Variants in SPOCK1 observed in about 807,000 individuals in gnomAD.
The protein encoded by SPOCK1 is SPARC (osteonectin), cwcv and kazal like domains proteoglycan 1.
SPOCK1 carries 23 observed loss-of-function variants against 55.3 expected under a neutral mutation model. The ratio of observed to expected loss-of-function variants is 0.42; its 90% confidence interval spans 0.30 to 0.59. SPOCK1 has a LOEUF of 0.59. Ranked by LOEUF, SPOCK1 falls within the 20% of genes least tolerant of loss-of-function variation. SPOCK1 has a pLI of 0.22. For synonymous variants in SPOCK1, 226 were observed against 221.0 expected, an observed-to-expected ratio of 1.02 and a Z score of -0.20; for missense variants, 499 against 552.5, an observed-to-expected ratio of 0.90 and a Z score of 0.97.
rs1191882774 is a variant in SPOCK1, at chr5:137,131,990, ATATATATAT to A, written c.347+8581_347+8589del. 8.3e-3 allele frequency among the ~76,000 whole-genome samples: 210 copies of A among 25,418 alleles called. 11 individuals carry two copies. The highest frequency in any genetic ancestry group is 0.013 in the South Asian group (8 of 624). 16.7% of individuals were successfully genotyped at this position (25,418 alleles called of 152,430 possible). ...CCGTCTCAAAAAAAAAAAAAAAAAA[ATATATATAT>A]ATATATATATATATATATATAAAAA... On this transcript the variant is annotated intron_variant, in intron 4 of 10. Coordinates refer to ENST00000394945, the MANE Select transcript of SPOCK1 (RefSeq NM_004598.4).
chr5:137,149,884 G>T (rs1312368543), intron 3 of SPOCK1, among the ~76,000 whole-genome samples: 3 of 152,092 alleles, frequency 2.0e-5, no homozygotes. Context: ...TATCTTGATG[G>T]GTTACTCAAC....
chr5:137,004,196 A>G (rs1751200899), intron 6 of SPOCK1, among the ~76,000 whole-genome samples: 1 of 152,220 alleles, frequency 6.6e-6, no homozygotes, highest in Admixed American at 6.5e-5. Flanking sequence ...TGAGGCCAGA[A>G]CAGAATAATC....
chr5:137,377,062 G>T (rs1468886398), intron 2 of SPOCK1, among the ~76,000 whole-genome samples: 1 of 152,136 alleles, frequency 6.6e-6, no homozygotes, highest in East Asian at 1.9e-4. Flanking sequence ...ATTATTTGTG[G>T]GTTTCCAAAT....
chr5:137,336,708 A>AT (rs1750288418), intron 2 of SPOCK1, among the ~76,000 whole-genome samples: 1 of 152,210 alleles, frequency 6.6e-6, no homozygotes. Context: ...TCTAGCCTGA[A>AT]TGAGTTTTTG....
At chr5:137,229,585 G>A (rs1322399330) in intron 3 of SPOCK1, among the ~76,000 whole-genome samples, 1 of 152,182 alleles carries the variant, frequency 6.6e-6, no homozygotes, top group African/African-American at 2.4e-5. Flanking sequence ...AACAACAGAT[G>A]TCCATAACAG....
rs149255855 is a variant in SPOCK1, at chr5:137,427,705, C to T, written c.186+70668G>A. Among the ~76,000 whole-genome samples the T allele has an allele frequency of 3.6e-3, 545 of 152,116 alleles. 4 individuals carry two copies. Among genetic ancestry groups the T allele is most frequent in the African/African-American group, 0.012 (511 of 41,482 alleles). ...CGGGTGGATCACAAGGTCAGGAGAT[C>T]GAGAACATCCTGGCTAACGTGGTGA... On this transcript the variant is annotated intron_variant, in intron 2 of 10. Transcript: ENST00000394945.
At chr5:137,416,096 T>C (rs1047368041) in intron 2 of SPOCK1, among the ~76,000 whole-genome samples, 11 of 151,126 alleles carry the variant, frequency 7.3e-5, no homozygotes, top group Middle Eastern at 3.4e-3. Flanking sequence ...CAGAGGACAA[T>C]AGAAAAGGAA....
intron 3 of SPOCK1, among the ~76,000 whole-genome samples, chr5:137,246,058 A>C (rs1427623332): frequency 6.6e-6 from 1 of 152,232 alleles, no homozygotes. Context: ...TCTATGTCCT[A>C]CTTGAACAGT....
chr5:137,428,273 C>A (rs1460195738), intron 2 of SPOCK1, among the ~76,000 whole-genome samples: 1 of 152,136 alleles, frequency 6.6e-6, no homozygotes, highest in African/African-American at 2.4e-5. Context: ...CAACAAAGAA[C>A]CTTCATTCAG....
At chr5:137,441,644 C>T (rs1346040675) in intron 2 of SPOCK1, among the ~76,000 whole-genome samples, 1 of 152,140 alleles carries the variant, frequency 6.6e-6, no homozygotes, top group East Asian at 1.9e-4. Flanking sequence ...GTCCCAGTCA[C>T]ACAAGGCTGG....
In SPOCK1 at chr5:137,004,584, T is replaced by C. The variant is rs561153989; in HGVS notation, c.590-11984A>G. Among the ~76,000 whole-genome samples, 205 of 152,284 alleles carry C rather than the reference T, an allele frequency of 1.3e-3. 1 individual carries two copies. The highest frequency in any genetic ancestry group is 2.5e-3 in the Non-Finnish European group (171 of 68,030). ...ATCTCTATTTCTAGTAAAACTGCTATATTTGATCTACATTTCCTATTTAGA... is the reference window on the plus strand; with the variant it reads ...ATCTCTATTTCTAGTAAAACTGCTACATTTGATCTACATTTCCTATTTAGA... On this transcript the variant is annotated intron_variant, in intron 6 of 10. Coordinates refer to ENST00000394945, the MANE Select transcript of SPOCK1 (RefSeq NM_004598.4).
chr5:137,451,577 C>T (rs1277523136), intron 2 of SPOCK1, among the ~76,000 whole-genome samples: 1 of 152,232 alleles, frequency 6.6e-6, no homozygotes. Flanking sequence ...TTCCCTGCAA[C>T]ACCACGTAAA....
At chr5:137,326,279 C>CAA (rs34897652) in intron 2 of SPOCK1, among the ~76,000 whole-genome samples, 38 of 140,668 alleles carry the variant, frequency 2.7e-4, no homozygotes, top group Non-Finnish European at 2.5e-4. Flanking sequence ...CTTCTGCATC[C>CAA]AAAAAAAAAA....
intron 2 of SPOCK1, among the ~76,000 whole-genome samples, chr5:137,293,627 A>G (rs1311787924): frequency 6.6e-6 from 1 of 152,200 alleles, no homozygotes; most frequent in African/African-American, 2.4e-5. Flanking sequence ...GAATACTACC[A>G]TAAAGAAAGG....
intron 6 of SPOCK1, among the ~76,000 whole-genome samples, chr5:137,029,067 A>G (rs1274290193): frequency 6.6e-6 from 1 of 152,162 alleles, no homozygotes; most frequent in Admixed American, 6.5e-5. Flanking sequence ...TCACCTAACA[A>G]GCACGAATTA....
At chr5:137,426,591 AGAAAAACTCTG>A (rs1752616554) in intron 2 of SPOCK1, among the ~76,000 whole-genome samples, 1 of 152,202 alleles carries the variant, frequency 6.6e-6, no homozygotes, top group Non-Finnish European at 1.5e-5. Context: ...CATCTCCCCT[AGAAAAACTCTG>A]GAAAATTCTT....
chr5:137,446,461 T>C (rs774397894), intron 2 of SPOCK1, among the ~76,000 whole-genome samples: 6 of 152,110 alleles, frequency 3.9e-5, no homozygotes, highest in Non-Finnish European at 8.8e-5. Flanking sequence ...CAGTCTTCCC[T>C]TTGGTCTCAG....
At chr5:137,079,642 C>G (rs1241984369) in intron 5 of SPOCK1, among the ~76,000 whole-genome samples, 2 of 152,014 alleles carry the variant, frequency 1.3e-5, no homozygotes, top group African/African-American at 4.8e-5. Flanking sequence ...TGGTCACCAT[C>G]TGGTACTGAT....
chr5:137,228,439 G>A (rs75202055), intron 3 of SPOCK1, among the ~76,000 whole-genome samples: 4 of 152,278 alleles, frequency 2.6e-5, no homozygotes, highest in East Asian at 1.9e-4. Context: ...CCAGGAATTC[G>A]AGACCAGCCT....
Sources: allele counts gnomAD v4.1 joint callset (sites outside exome capture counted in the v4.1 genomes callset), GRCh38; gene constraint gnomAD v4.1.1; transcripts MANE v1.5; gene names NCBI Gene and HGNC (gene_info 2026-07-23, HGNC 2026-07-21).